The following COG3 variants were observed in gnomAD, a reference collection of about 807,000 sequenced individuals.
COG3 encodes conserved oligomeric Golgi complex subunit 3.
COG3 carries 32 observed loss-of-function variants against 114.1 expected under a neutral mutation model. The observed-to-expected ratio is 0.28, with a 90% CI of 0.21 to 0.38. COG3 has a LOEUF of 0.38. COG3 is among the 10% of genes least tolerant of loss of function. COG3 has a pLI of 1.00. For synonymous variants in COG3, 352 were observed against 365.7 expected (o/e 0.96, Z 0.43); for missense variants, 813 against 973.2 (o/e 0.84, Z 2.19).
chr13:45,465,412 C>A lies in COG3; in HGVS notation c.174+202C>A, dbSNP rs570683916. On this transcript the variant is annotated intron_variant, in intron 1 of 22. Transcript: ENST00000349995. ...CCTGCGACCCCGACTCTAATTCTGCCTGGGGACGGCTGTGGGGGTGTCCTG... is the reference window on the plus strand; with the variant it reads ...CCTGCGACCCCGACTCTAATTCTGCATGGGGACGGCTGTGGGGGTGTCCTG... 25 of 874,498 alleles carry A rather than the reference C, an allele frequency of 2.9e-5. No homozygotes were observed. The African/African-American group carries it at 4.1e-4, about 14-fold the overall frequency. The allele number at this position is 874,498 out of a possible 1,614,324, so 54.2% of individuals were successfully genotyped here. A position where few individuals can be genotyped will look rare whatever the true frequency, so the allele number is the denominator to read the frequency against.
At chr13:45,495,134 A>C (rs1593706553) in intron 12 of COG3, among the ~76,000 whole-genome samples, 2 of 136,338 alleles carry the variant, frequency 1.5e-5, no homozygotes, top group Admixed American at 1.5e-4. Flanking sequence ...ATGAGCCACC[A>C]CGCCTGGCCT....
intron 1 of COG3, among the ~76,000 whole-genome samples, chr13:45,466,846 A>G (rs991658348): frequency 6.6e-6 from 1 of 152,210 alleles, no homozygotes; most frequent in Admixed American, 6.5e-5. Context: ...ATTCTTCCAT[A>G]TTTATCATTA....
chr13:45,517,987 T>C (rs942891), intron 17 of COG3, among the ~76,000 whole-genome samples: 110,293 of 151,954 alleles, frequency 0.73, 41,462 homozygotes, highest in Admixed American at 0.82. Context: ...AGGGATCTTA[T>C]AGAAAAGACA....
chr13:45,532,560 G>GTT (rs59023921), intron 22 of COG3, among the ~76,000 whole-genome samples: 8 of 82,466 alleles, frequency 9.7e-5, no homozygotes, highest in South Asian at 4.1e-4. Context: ...TCCTTCCATT[G>GTT]TTTTTTTTTT....
chr13:45,518,838 G>C lies in COG3; in HGVS notation c.2007G>C (p.Glu669Asp). The C allele has an allele frequency of 1.2e-6, 2 of 1,613,826 alleles. No homozygotes were observed. Among genetic ancestry groups the C allele is most frequent in the Non-Finnish European group, 1.7e-6 (2 of 1,179,734 alleles). The part of the protein sequence containing the change: ...FRLNSNNALI[E>D]FLLEGTPEIR... ...TGAATAGCAACAATGCCTTGATAGA[G>C]TTCTTGTTGGAGGTGAGAAGGAGTC... Residue 669 changes from glutamate (E) to aspartate (D), a missense_variant, in exon 18 of 23, where the codon GAG (glutamate) becomes GAC (aspartate). Coordinates refer to ENST00000349995, the MANE Select transcript of COG3 (RefSeq NM_031431.4).
At chr13:45,488,460 C>T (rs9534162) in intron 8 of COG3, among the ~76,000 whole-genome samples, 14,488 of 152,076 alleles carry the variant, frequency 0.095, 861 homozygotes, top group East Asian at 0.13. Context: ...ACATTGTATC[C>T]ATGTATCAAA....
chr13:45,481,172 G>T, intron 4 of COG3, 58 bp from the exon 5 acceptor site: 1 of 889,208 alleles, frequency 1.1e-6, no homozygotes, highest in South Asian at 1.4e-5. Flanking sequence ...CTTTGAGACT[G>T]GCATGTTGAT....
chr13:45,479,060 A>T lies in COG3; in HGVS notation c.377A>T (p.Lys126Ile). 2 of 1,605,464 alleles carry T rather than the reference A, an allele frequency of 1.2e-6. No homozygotes were observed. Among genetic ancestry groups the T allele is most frequent in the Non-Finnish European group, 1.7e-6 (2 of 1,174,860 alleles). Residue 126 changes from lysine to isoleucine, a missense_variant, in exon 3 of 23, where the codon AAA becomes ATA. Around this residue, in one of 2 missense-constraint regions of COG3, gnomAD observed 424 missense variants for 430.6 expected, o/e 0.98. Transcript: ENST00000349995. ...CAGATGGATCAAGATGAAGGAACTA[A>T]ATATAGGTATGTGTGTCTCTTGCAT... ...QTQMDQDEGT[K>I]YRQMRDYLSG...
intron 20 of COG3, 22 bp downstream of exon 20, chr13:45,525,073 G>A: frequency 6.2e-7 from 1 of 1,604,158 alleles, no homozygotes; most frequent in East Asian, 2.2e-5. Context: ...TGACCATTTT[G>A]GATTTCTTTT....
intron 14 of COG3, among the ~76,000 whole-genome samples, chr13:45,507,926 G>C (rs867565279): frequency 1.3e-5 from 2 of 151,310 alleles, no homozygotes; most frequent in African/African-American, 4.9e-5. Flanking sequence ...AAAATTAGCC[G>C]GGTGTGGTGG....
chr13:45,516,754 C>G (rs1456713798), intron 17 of COG3, among the ~76,000 whole-genome samples: 2 of 152,148 alleles, frequency 1.3e-5, no homozygotes, highest in Admixed American at 6.5e-5. Flanking sequence ...TTTAGCTTCT[C>G]CATGCCACCT....
At chr13:45,515,578 G>A (rs1440546558) in intron 16 of COG3, among the ~76,000 whole-genome samples, 2 of 152,214 alleles carry the variant, frequency 1.3e-5, no homozygotes, top group Admixed American at 1.3e-4. Context: ...TGAGAGGGCA[G>A]AAGGACATGC....
intron 14 of COG3, among the ~76,000 whole-genome samples, chr13:45,504,226 AAACAG>A (rs1444816454): frequency 5.9e-5 from 9 of 152,194 alleles, no homozygotes; most frequent in African/African-American, 1.9e-4. Context: ...TCTACTCTAT[AAACAG>A]TTGCTACACT....
At position 45,536,689 on chromosome 13, in the gene COG3, TTA is replaced by T. The variant is rs1352273392; in HGVS notation, c.*1959_*1960del. On this transcript the variant is annotated 3_prime_UTR_variant, in exon 23 of 23. Transcript: ENST00000349995. Reference sequence around the variant, plus strand: ...GAGGAAAATTTCTTTAATTAAAATTTTAATTGAGATAACTTGTGTCAGACTCA... The same window carrying T: ...GAGGAAAATTTCTTTAATTAAAATTTATTGAGATAACTTGTGTCAGACTCA... 1.3e-5 allele frequency: 2 copies of T among 152,328 alleles called. No homozygotes were observed. The highest frequency in any genetic ancestry group is 3.9e-4 in the East Asian group (2 of 5,192). 9.4% of individuals were successfully genotyped at this position (152,328 alleles called of 1,614,324 possible). A position where few individuals can be genotyped will look rare whatever the true frequency, so the allele number is the denominator to read the frequency against.
At chr13:45,527,065 A>C (rs1872761534) in intron 20 of COG3, among the ~76,000 whole-genome samples, 1 of 152,230 alleles carries the variant, frequency 6.6e-6, no homozygotes, top group African/African-American at 2.4e-5. Context: ...TAAAGGTAGA[A>C]ACCAGTACAG....
intron 3 of COG3, among the ~76,000 whole-genome samples, chr13:45,479,562 G>A (rs759413454): frequency 3.3e-5 from 5 of 152,178 alleles, no homozygotes; most frequent in Non-Finnish European, 7.3e-5. Flanking sequence ...AGGCAGTGTG[G>A]TAGACTCTTT....
chr13:45,500,094 G>GTGTGTGTGTGTATATA (rs1321310200), intron 13 of COG3, among the ~76,000 whole-genome samples: 3 of 114,834 alleles, frequency 2.6e-5, no homozygotes, highest in African/African-American at 1.0e-4. Flanking sequence ...GTGTGTGTGT[G>GTGTGTGTGTGTATATA]TATATATATA....
Position 45,521,577 on chromosome 13 carries a change from G to GCAAA in COG3, c.2154+2485_2154+2486insAACA, listed in dbSNP as rs1555299596. The stretch of plus-strand genomic sequence containing the variant: ...GAGTCAGAGACAAAGATACATACGT[G>GCAAA]CACACACACACACACACACACACAC... On this transcript the variant is annotated intron_variant, in intron 19 of 22. Coordinates refer to ENST00000349995, the MANE Select transcript of COG3 (RefSeq NM_031431.4). Among the ~76,000 whole-genome samples, 165 of 148,482 alleles carry GCAAA rather than the reference G, an allele frequency of 1.1e-3. 1 individual carries two copies. Among genetic ancestry groups the GCAAA allele is most frequent in the African/African-American group, 3.9e-3 (159 of 40,662 alleles).
chr13:45,523,448 C>T (rs571844712), intron 19 of COG3, among the ~76,000 whole-genome samples: 8 of 152,038 alleles, frequency 5.3e-5, no homozygotes, highest in Non-Finnish European at 8.8e-5. Context: ...TATTGTGAGA[C>T]GATGGGTCTT....
Sources: gnomAD v4.1 joint callset for allele counts (sites outside exome capture counted in the v4.1 genomes callset) on GRCh38, gnomAD v4.1.1 for gene constraint, gnomAD v4.1.1 regional missense constraint, MANE v1.5 for transcripts, NCBI Gene and HGNC (gene_info 2026-07-23, HGNC 2026-07-21) for gene names.